The following RXFP2 variants were observed in gnomAD, a reference collection of about 807,000 sequenced individuals.
RXFP2 encodes relaxin receptor 2.
RXFP2 carries 68 observed loss-of-function variants against 88.6 expected under a neutral mutation model. The observed-to-expected ratio is 0.77, with a 90% confidence interval of 0.63 to 0.94. The LOEUF (loss-of-function observed/expected upper bound fraction) is 0.94. Ranked by LOEUF, RXFP2 falls within the 40% of genes least tolerant of loss-of-function variation. The pLI, the probability that RXFP2 is intolerant of heterozygous loss-of-function variation, is 0.00. For missense variants in RXFP2, 791 were observed against 893.9 expected (o/e 0.88, Z 1.47); for synonymous variants, 329 against 306.8 (o/e 1.07, Z -0.76).
chr13:31,748,579 T>A (rs1177308907), intron 1 of RXFP2, among the ~76,000 whole-genome samples: 2 of 152,226 alleles, frequency 1.3e-5, no homozygotes, highest in East Asian at 1.9e-4. Flanking sequence ...TATTTACCGT[T>A]CATTTTTCTT....
chr13:31,783,881 A>T (rs1873399825), intron 11 of RXFP2, among the ~76,000 whole-genome samples: 2 of 151,684 alleles, frequency 1.3e-5, no homozygotes, highest in South Asian at 4.2e-4. Flanking sequence ...CAATGGCATG[A>T]TCTCCACTCA....
chr13:31,802,116 T>A (rs554006634), intron 17 of RXFP2, 30 bp from the exon 18 acceptor site: 18 of 1,608,358 alleles, frequency 1.1e-5, no homozygotes, highest in East Asian at 6.7e-5. Flanking sequence ...AAACTTCAAC[T>A]TTTTTTTCAC....
Position 31,792,750 on chromosome 13 carries a change from A to G in RXFP2, c.1448A>G (p.Gln483Arg). Residue 483 changes from glutamine (Q) to arginine (R), a missense_variant, in exon 16 of 18, where the codon CAG (glutamine) becomes CGG (arginine). By Grantham distance (43) the Gln-to-Arg change is conservative. Transcript: ENST00000298386. ...GATATAAAATACCGAGGGCAGTATC[A>G]GAAGTATGCCTTGCTGTGGATGGAG... ...IFDIKYRGQY[Q>R]KYALLWMESV... is the part of the protein sequence containing the mutation. 1 of 1,614,168 alleles carries G rather than the reference A, an allele frequency of 6.2e-7. No homozygotes were observed. Among genetic ancestry groups the G allele is most frequent in the South Asian group, 1.1e-5 (1 of 91,078 alleles).
rs371989645 is a variant in RXFP2 at position 31,774,662 on chromosome 13, A to G, written c.540A>G (p.Ala180=). ...GCATTAGACACATATCCAGGAAAGCATTTTTTGGATTATGTAATCTGCAAA... is the reference window on the plus strand; with the variant it reads ...GCATTAGACACATATCCAGGAAAGCGTTTTTTGGATTATGTAATCTGCAAA... The part of the protein sequence containing the change: ...HNCIRHISRK[A]FFGLCNLQIL... Residue 180 remains alanine (A), a synonymous_variant, in exon 6 of 18, where the codon GCA becomes GCG. Transcript: ENST00000298386. 4 of 1,559,068 alleles carry G rather than the reference A, an allele frequency of 2.6e-6. No homozygotes were observed. The highest frequency in any genetic ancestry group is 1.4e-5 in the African/African-American group (1 of 73,854).
intron 2 of RXFP2, among the ~76,000 whole-genome samples, chr13:31,761,338 A>G (rs1319697355): frequency 6.6e-6 from 1 of 152,250 alleles, no homozygotes; most frequent in Non-Finnish European, 1.5e-5. Context: ...ATATCTATCA[A>G]GTATGTTTCT....
chr13:31,768,017 G>A (rs996308836), intron 5 of RXFP2, among the ~76,000 whole-genome samples: 2 of 152,146 alleles, frequency 1.3e-5, no homozygotes, highest in Admixed American at 6.6e-5. Flanking sequence ...ATCTCCCTCT[G>A]TGGTCCCAGG....
intron 5 of RXFP2, among the ~76,000 whole-genome samples, chr13:31,771,800 A>AAAAG (rs1237981946): frequency 3.3e-5 from 5 of 151,730 alleles, no homozygotes; most frequent in Middle Eastern, 6.8e-3. Context: ...TTAAAAAAAA[A>AAAAG]AAAGAAAGAA....
At position 31,782,717 on chromosome 13, in the gene RXFP2, C is replaced by T; in HGVS notation, c.899C>T (p.Thr300Ile). 6.2e-7 allele frequency: 1 copy of T among 1,609,360 alleles called. No homozygotes were observed. Among genetic ancestry groups the T allele is most frequent in the Non-Finnish European group, 8.5e-7 (1 of 1,175,708 alleles). Residue 300 changes from threonine (T) to isoleucine (I), a missense_variant, in exon 11 of 18, where the codon ACA (threonine) becomes ATA (isoleucine). Transcript: ENST00000298386. ...CAAATTGGTTTTGTTCCAGAGAAGA[C>T]ATTTTCTTCATTAAAAAATTTAGGA... ...RNQIGFVPEKTFSSLKNLGEL... is the reference protein window; with the variant it reads ...RNQIGFVPEKIFSSLKNLGEL...
chr13:31,744,825 T>C (rs1176666183), intron 1 of RXFP2, among the ~76,000 whole-genome samples: 1 of 152,156 alleles, frequency 6.6e-6, no homozygotes, highest in African/African-American at 2.4e-5. Flanking sequence ...GATATATTCC[T>C]TCCATTAGTT....
intron 2 of RXFP2, 132 bp downstream of exon 2, chr13:31,758,536 CA>C (rs1433925262): frequency 1.5e-5 from 15 of 986,676 alleles, no homozygotes; most frequent in African/African-American, 3.2e-5. Context: ...CTTTGAAACA[CA>C]AATAATGACT....
intron 1 of RXFP2, among the ~76,000 whole-genome samples, chr13:31,752,611 G>A (rs1352417783): frequency 2.0e-5 from 3 of 151,880 alleles, no homozygotes; most frequent in Non-Finnish European, 4.4e-5. Context: ...TAGCATTAAA[G>A]CCTTTTAAGA....
chr13:31,771,193 G>A lies in RXFP2; in HGVS notation c.498-3427G>A, dbSNP rs550940641. Among the ~76,000 whole-genome samples the A allele has an allele frequency of 3.3e-5, 5 of 152,306 alleles. No homozygotes were observed. In the East Asian group the frequency reaches 9.7e-4, roughly 29 times the overall value. ...TGTATTGAGCTAATAAAGTTAATCTGCATATTTAAGTTGTATTGGGATATA... is the reference window on the plus strand; with the variant it reads ...TGTATTGAGCTAATAAAGTTAATCTACATATTTAAGTTGTATTGGGATATA... On this transcript the variant is annotated intron_variant, in intron 5 of 17. Coordinates refer to ENST00000298386, the MANE Select transcript of RXFP2 (RefSeq NM_130806.5).
chr13:31,748,381 C>T (rs1871513922), intron 1 of RXFP2, among the ~76,000 whole-genome samples: 1 of 152,136 alleles, frequency 6.6e-6, no homozygotes, highest in Non-Finnish European at 1.5e-5. Context: ...ACATCCTCAC[C>T]AAATAGTGTA....
chr13:31,746,546 A>C (rs1219999058), intron 1 of RXFP2, among the ~76,000 whole-genome samples: 1 of 152,194 alleles, frequency 6.6e-6, no homozygotes, highest in Non-Finnish European at 1.5e-5. Flanking sequence ...CCCACCTTTA[A>C]GAGAAATTAA....
At chr13:31,782,883 A>C in intron 11 of RXFP2, 136 bp downstream of exon 11, 1 of 658,514 alleles carries the variant, frequency 1.5e-6, no homozygotes, top group South Asian at 1.6e-5. Flanking sequence ...CAATTAAGAA[A>C]ACCAACATTA....
chr13:31,746,571 A>G (rs758751073), intron 1 of RXFP2, among the ~76,000 whole-genome samples: 4 of 152,220 alleles, frequency 2.6e-5, no homozygotes, highest in Non-Finnish European at 4.4e-5. Flanking sequence ...CTCATAAGAC[A>G]AATGGCTAAG....
chr13:31,780,990 C>T (rs1406249598), intron 9 of RXFP2, among the ~76,000 whole-genome samples: 1 of 152,194 alleles, frequency 6.6e-6, no homozygotes, highest in East Asian at 1.9e-4. Context: ...TTGGCATTAG[C>T]GTCCTTGAGG....
chr13:31,789,882 T>C (rs577519408), intron 14 of RXFP2, among the ~76,000 whole-genome samples: 5 of 152,336 alleles, frequency 3.3e-5, no homozygotes, highest in East Asian at 1.9e-4. Flanking sequence ...TTTGTTTATG[T>C]CTGTGCAGTA....
In RXFP2 at chr13:31,777,320, G is replaced by A. The variant is rs145883760; in HGVS notation, c.642-56G>A. Reference sequence around the variant, plus strand: ...TAGGCCAGGTGTTGAGGGGAGGCAGGTTTTATTTCACAAATGTCTCTAATA... The same window carrying A: ...TAGGCCAGGTGTTGAGGGGAGGCAGATTTTATTTCACAAATGTCTCTAATA... On this transcript the variant is annotated intron_variant, in intron 7 of 17. Coordinates refer to ENST00000298386, the MANE Select transcript of RXFP2 (RefSeq NM_130806.5). The A allele has an allele frequency of 1.0e-3, 1,376 of 1,333,050 alleles. 9 individuals carry two copies. The African/African-American group carries it at 0.018, about 17-fold the overall frequency. The allele number at this position is 1,333,050 out of a possible 1,614,324, so 82.6% of individuals were successfully genotyped here. A position where few individuals can be genotyped will look rare whatever the true frequency, so the allele number is the denominator to read the frequency against.
Sources: allele counts gnomAD v4.1 joint callset (sites outside exome capture counted in the v4.1 genomes callset), GRCh38; gene constraint gnomAD v4.1.1; transcripts MANE v1.5; gene names NCBI Gene and HGNC (gene_info 2026-07-23, HGNC 2026-07-21).